PPP3CA: variants seen among roughly 807,000 people sequenced by gnomAD.
PPP3CA encodes the protein CAM-PRP catalytic subunit.
Under a neutral mutation model 66.5 loss-of-function variants are expected in PPP3CA, and 14 were observed. The observed-to-expected ratio is 0.21, with a 90% CI of 0.14 to 0.33. PPP3CA has a LOEUF of 0.33. Among genes scored for constraint, PPP3CA ranks in the 10% least tolerant of loss-of-function variants. The pLI is 1.00. For synonymous variants in PPP3CA, 232 were observed against 226.2 expected, an observed-to-expected ratio of 1.03 and a Z score of -0.23; for missense variants, 317 against 639.5, an observed-to-expected ratio of 0.50 and a Z score of 5.44.
intron 2 of PPP3CA, among the ~76,000 whole-genome samples, chr4:101,186,006 T>C (rs1724398685): frequency 6.6e-6 from 1 of 152,216 alleles, no homozygotes; most frequent in Admixed American, 6.5e-5. Flanking sequence ...ATGGTTTAAG[T>C]TTCTTTATAG....
At chr4:101,197,973 A>T (rs1724853096) in intron 1 of PPP3CA, among the ~76,000 whole-genome samples, 1 of 152,228 alleles carries the variant, frequency 6.6e-6, no homozygotes, top group African/African-American at 2.4e-5. Flanking sequence ...CTTAGAATTG[A>T]AATTCTAATA....
At chr4:101,339,641 A>G (rs1188516250) in intron 1 of PPP3CA, among the ~76,000 whole-genome samples, 1 of 152,184 alleles carries the variant, frequency 6.6e-6, no homozygotes, top group Non-Finnish European at 1.5e-5. Flanking sequence ...CAAAATAAAA[A>G]CAATTTAGAA....
chr4:101,269,683 C>G (rs1727276664), intron 1 of PPP3CA, among the ~76,000 whole-genome samples: 1 of 151,820 alleles, frequency 6.6e-6, no homozygotes, highest in African/African-American at 2.4e-5. Flanking sequence ...GAAACACAGG[C>G]ATCCTGTAGT....
At chr4:101,235,332 T>C (rs963514229) in intron 1 of PPP3CA, among the ~76,000 whole-genome samples, 4 of 151,816 alleles carry the variant, frequency 2.6e-5, no homozygotes, top group African/African-American at 9.7e-5. Flanking sequence ...GGTTGCCCAC[T>C]CTTCCTGCCA....
intron 1 of PPP3CA, among the ~76,000 whole-genome samples, chr4:101,282,816 G>A (rs1361010049): frequency 6.6e-6 from 1 of 152,096 alleles, no homozygotes; most frequent in Non-Finnish European, 1.5e-5. Flanking sequence ...ACCTGTTTCC[G>A]GGGCAGTCCC....
At chr4:101,164,909 T>C (rs1335698910) in intron 2 of PPP3CA, among the ~76,000 whole-genome samples, 1 of 152,150 alleles carries the variant, frequency 6.6e-6, no homozygotes, top group Non-Finnish European at 1.5e-5. Context: ...GCTGCCAATG[T>C]TGCACATGTA....
chr4:101,101,061 T>C (rs1730418158), intron 3 of PPP3CA, among the ~76,000 whole-genome samples: 1 of 152,164 alleles, frequency 6.6e-6, no homozygotes, highest in African/African-American at 2.4e-5. Context: ...TAATTATGAT[T>C]GAAATAAACA....
intron 1 of PPP3CA, among the ~76,000 whole-genome samples, chr4:101,233,514 G>C (rs1218953323): frequency 6.6e-6 from 1 of 151,668 alleles, no homozygotes; most frequent in East Asian, 1.9e-4. Context: ...CATTTTTAAA[G>C]GAAAATGTAA....
chr4:101,219,251 G>T (rs1725549785), intron 1 of PPP3CA, among the ~76,000 whole-genome samples: 1 of 151,876 alleles, frequency 6.6e-6, no homozygotes, highest in East Asian at 1.9e-4. Flanking sequence ...CTACTTAATA[G>T]TTAACAGATT....
At chr4:101,138,279 C>T (rs1053755701) in intron 2 of PPP3CA, among the ~76,000 whole-genome samples, 1 of 152,108 alleles carries the variant, frequency 6.6e-6, no homozygotes, top group Non-Finnish European at 1.5e-5. Context: ...TGAATCTTGG[C>T]TTTTCTTTCC....
At chr4:101,342,831 G>A (rs1047698010) in intron 1 of PPP3CA, among the ~76,000 whole-genome samples, 8 of 152,240 alleles carry the variant, frequency 5.3e-5, no homozygotes, top group African/African-American at 1.9e-4. Flanking sequence ...TACTACGAAT[G>A]TGACATATTT....
intron 8 of PPP3CA, among the ~76,000 whole-genome samples, chr4:101,071,367 C>T (rs947729094): frequency 6.6e-6 from 1 of 152,176 alleles, no homozygotes; most frequent in African/African-American, 2.4e-5. Context: ...AATGTTATGA[C>T]AGACTTTTTG....
intron 1 of PPP3CA, among the ~76,000 whole-genome samples, chr4:101,253,814 G>T (rs781149310): frequency 6.6e-6 from 1 of 151,966 alleles, no homozygotes; most frequent in African/African-American, 2.4e-5. Context: ...ATATATGAAC[G>T]AAAGAGGGGA....
chr4:101,155,967 C>T (rs1315892470), intron 2 of PPP3CA, among the ~76,000 whole-genome samples: 1 of 152,124 alleles, frequency 6.6e-6, no homozygotes, highest in Non-Finnish European at 1.5e-5. Context: ...TCCTCACAAC[C>T]ACCCTACAAG....
intron 1 of PPP3CA, among the ~76,000 whole-genome samples, chr4:101,232,309 G>C (rs2110224898): frequency 6.6e-6 from 1 of 151,676 alleles, no homozygotes; most frequent in East Asian, 2.0e-4. Context: ...ATGATGAATT[G>C]TGCTGACTGA....
At position 101,025,106 on chromosome 4, in the gene PPP3CA, A is replaced by AAGAT. The variant is rs1175859438; in HGVS notation, c.*755_*758dup. 1.3e-5 allele frequency: 2 copies of AAGAT among 152,524 alleles called. No individual in the cohort carries two copies. Among genetic ancestry groups the AAGAT allele is most frequent in the African/African-American group, 2.4e-5 (1 of 41,430 alleles). The allele number at this position is 152,524 out of a possible 1,614,324, so 9.4% of individuals were successfully genotyped here. On this transcript the variant is annotated 3_prime_UTR_variant, in exon 14 of 14. Transcript: ENST00000394854. ...AAACCCCTAAATATAAACGGCAAAA[A>AAGAT]AGATAGATATAATTATTCCAGTTTT... is the stretch of plus-strand genomic sequence containing the variant.
chr4:101,325,698 C>G (rs2110327559), intron 1 of PPP3CA, among the ~76,000 whole-genome samples: 1 of 152,136 alleles, frequency 6.6e-6, no homozygotes, highest in Non-Finnish European at 1.5e-5. Flanking sequence ...AGATATATAA[C>G]TTATGTTGTA....
chr4:101,139,223 T>TA (rs1454447026), intron 2 of PPP3CA, among the ~76,000 whole-genome samples: 1 of 151,866 alleles, frequency 6.6e-6, no homozygotes, highest in Non-Finnish European at 1.5e-5. Context: ...GGCAGGCACC[T>TA]GTAGTCCCAG....
At chr4:101,106,421 G>GA (rs1221321298) in intron 3 of PPP3CA, among the ~76,000 whole-genome samples, 1 of 10,184 alleles carries the variant, frequency 9.8e-5, no homozygotes, top group African/African-American at 3.1e-4. Context: ...AAGAAAGAAA[G>GA]AAAGAAAGAA....
Sources: allele counts gnomAD v4.1 joint callset (sites outside exome capture counted in the v4.1 genomes callset), GRCh38; gene constraint gnomAD v4.1.1; transcripts MANE v1.5; gene names NCBI Gene and HGNC (gene_info 2026-07-23, HGNC 2026-07-21).